The following NBAS variants were observed in gnomAD, a reference collection of about 807,000 sequenced individuals.
NBAS encodes the protein NBAS subunit of NRZ tethering complex.
Under a neutral mutation model 302.5 loss-of-function variants are expected in NBAS, and 219 were observed. The ratio of observed to expected loss-of-function variants is 0.72; its 90% CI spans 0.65 to 0.81. The LOEUF (loss-of-function observed/expected upper bound fraction) is 0.81. NBAS is among the 30% of genes least tolerant of loss of function. The pLI is 0.00. For missense variants in NBAS, 2,932 were observed against 2,841.6 expected, an observed-to-expected ratio of 1.03 and a Z score of -0.72; for synonymous variants, 1,118 against 1,021.6, an observed-to-expected ratio of 1.09 and a Z score of -1.80.
At chr2:15,352,765 CT>C (rs2148300985) in intron 34 of NBAS, among the ~76,000 whole-genome samples, 1 of 152,276 alleles carries the variant, frequency 6.6e-6, no homozygotes, top group African/African-American at 2.4e-5. Context: ...CATTTTGCCT[CT>C]TAGTGAACAT....
At chr2:15,126,128 TCTCA>T in the NBAS span, among the ~76,000 whole-genome samples, 3 of 152,086 alleles carry the variant, frequency 2.0e-5, no homozygotes, top group Non-Finnish European at 2.9e-5. Flanking sequence ...ACGAGTGAGT[TCTCA>T]CTCCGAGTTT....
the NBAS span, among the ~76,000 whole-genome samples, chr2:14,857,563 T>C: frequency 6.6e-6 from 1 of 152,084 alleles, no homozygotes; most frequent in Non-Finnish European, 1.5e-5. Flanking sequence ...GTCAAGAGCA[T>C]ACATTGGGGA....
intron 25 of NBAS, among the ~76,000 whole-genome samples, chr2:15,407,892 G>A (rs543952726): frequency 6.6e-6 from 1 of 152,256 alleles, no homozygotes; most frequent in East Asian, 1.9e-4. Flanking sequence ...TCCTTCTGAT[G>A]TTCTAGGAGA....
At chr2:15,413,895 G>A (rs995155011) in intron 25 of NBAS, among the ~76,000 whole-genome samples, 11 of 152,156 alleles carry the variant, frequency 7.2e-5, no homozygotes, top group African/African-American at 1.9e-4. Flanking sequence ...GCAAATGGCT[G>A]TATGTTTTGT....
At chr2:15,310,280 G>T (rs1451061243) in intron 38 of NBAS, among the ~76,000 whole-genome samples, 2 of 152,152 alleles carry the variant, frequency 1.3e-5, no homozygotes, top group African/African-American at 2.4e-5. Context: ...ATGATTCACA[G>T]AGAAAACCTA....
At chr2:15,368,191 CTTTTTTT>C (rs1197291033) in intron 31 of NBAS, among the ~76,000 whole-genome samples, 48 of 84,888 alleles carry the variant, frequency 5.7e-4, no homozygotes, top group Non-Finnish European at 3.4e-4. Context: ...AATGTTTTGA[CTTTTTTT>C]TTTTTTTTTT....
chr2:15,201,350 A>G (rs1665867269), intron 48 of NBAS, among the ~76,000 whole-genome samples: 1 of 152,246 alleles, frequency 6.6e-6, no homozygotes, highest in African/African-American at 2.4e-5. Context: ...AACCTCTAGC[A>G]ATACCAGACC....
chr2:15,541,179 T>A (rs765579878), intron 6 of NBAS, among the ~76,000 whole-genome samples: 3 of 152,212 alleles, frequency 2.0e-5, no homozygotes, highest in Non-Finnish European at 4.4e-5. Context: ...ACCTCTTTCA[T>A]AGCATTTATC....
chr2:14,875,606 A>G, the NBAS span, among the ~76,000 whole-genome samples: 26 of 152,238 alleles, frequency 1.7e-4, no homozygotes, highest in Admixed American at 7.9e-4. Context: ...ACAGAGTGAG[A>G]CTCTGTCTCA....
rs1573008071 is a variant in NBAS at position 15,553,425 on chromosome 2, C to G, written c.335+1G>C. 9.3e-6 allele frequency: 15 copies of G among 1,605,534 alleles called. No individual in the cohort carries two copies. The highest frequency in any genetic ancestry group is 1.3e-5 in the Non-Finnish European group (15 of 1,172,480). Reference sequence around the variant, plus strand: ...TGAATATGAATAATATTAACAATTACCTGATTTCCACACACTGATCTTGAA... The same window carrying G: ...TGAATATGAATAATATTAACAATTAGCTGATTTCCACACACTGATCTTGAA... On this transcript the variant is annotated splice_donor_variant, in intron 5 of 51. Transcript: ENST00000281513. LOFTEE classifies it high-confidence loss of function.
chr2:15,164,447 T>TA (rs1337605809), downstream of NBAS, among the ~76,000 whole-genome samples: 1 of 152,224 alleles, frequency 6.6e-6, no homozygotes, highest in Non-Finnish European at 1.5e-5. Context: ...TAAGCATTAT[T>TA]AGCCCTAGTT....
the NBAS span, among the ~76,000 whole-genome samples, chr2:14,839,200 T>TAA: frequency 6.6e-5 from 10 of 151,416 alleles, no homozygotes; most frequent in South Asian, 8.4e-4. Context: ...AAATAGAAAT[T>TAA]AAAAAAAACT....
At chr2:15,142,837 C>T in the NBAS span, among the ~76,000 whole-genome samples, 4 of 152,300 alleles carry the variant, frequency 2.6e-5, no homozygotes, top group African/African-American at 9.6e-5. Flanking sequence ...TTTGAACCTA[C>T]ATCTAGCGTA....
the NBAS span, among the ~76,000 whole-genome samples, chr2:15,100,083 C>T: frequency 1.3e-5 from 2 of 152,070 alleles, no homozygotes; most frequent in Non-Finnish European, 2.9e-5. Context: ...GCAGTTTGAA[C>T]ATTACATTCT....
intron 26 of NBAS, among the ~76,000 whole-genome samples, chr2:15,397,102 A>G (rs530693378): frequency 6.6e-6 from 1 of 152,360 alleles, no homozygotes; most frequent in Admixed American, 6.5e-5. Flanking sequence ...TAGGAGAAAC[A>G]CCGTCATGAA....
the NBAS span, among the ~76,000 whole-genome samples, chr2:15,039,024 T>A: frequency 1.3e-5 from 2 of 152,194 alleles, no homozygotes; most frequent in African/African-American, 4.8e-5. Flanking sequence ...ACCCTAGGAA[T>A]AAATATTTGT....
In NBAS at chr2:15,167,045, C is replaced by A. The variant is rs778835772; in HGVS notation, c.*3G>T. On this transcript the variant is annotated 3_prime_UTR_variant, in exon 52 of 52. Coordinates refer to ENST00000281513, the MANE Select transcript of NBAS (RefSeq NM_015909.4). ...TGCTAAGGAGCAGGGCCACAGGTGG[C>A]CCTCACACCCAGTGCTGTGCTGCGC... 2.6e-6 allele frequency: 4 copies of A among 1,540,384 alleles called. No homozygotes were observed. The highest frequency in any genetic ancestry group is 2.7e-5 in the African/African-American group (2 of 72,772).
chr2:15,289,780 G>A (rs889358813), intron 41 of NBAS, among the ~76,000 whole-genome samples: 4 of 152,130 alleles, frequency 2.6e-5, no homozygotes, highest in Admixed American at 6.5e-5. Context: ...GGCGGATCAC[G>A]AGGTCAGGAG....
the NBAS span, among the ~76,000 whole-genome samples, chr2:15,089,608 T>C: frequency 6.6e-6 from 1 of 151,238 alleles, no homozygotes; most frequent in Non-Finnish European, 1.5e-5. Context: ...GGTGGGAGAG[T>C]GGAATGAGAG....
Sources: gnomAD v4.1 joint callset for allele counts (sites outside exome capture counted in the v4.1 genomes callset) on GRCh38, gnomAD v4.1.1 for gene constraint, MANE v1.5 for transcripts, NCBI Gene and HGNC (gene_info 2026-07-23, HGNC 2026-07-21) for gene names.